Variants in PCYOX1L observed in about 807,000 individuals in gnomAD.
PCYOX1L encodes the protein prenylcysteine oxidase 1 like.
In PCYOX1L, 40 loss-of-function variants were observed where a neutral mutation model predicts 44.1. The observed-to-expected ratio is 0.91, with a 90% CI of 0.70 to 1.18. The LOEUF is 1.18. Ranked by LOEUF, PCYOX1L falls within the 50% of genes most tolerant of loss-of-function variation. PCYOX1L has a pLI of 0.00. For synonymous variants in PCYOX1L, 266 were observed against 282.8 expected, an observed-to-expected ratio of 0.94 and a Z score of 0.60; for missense variants, 605 against 653.3, an observed-to-expected ratio of 0.93 and a Z score of 0.81.
chr5:149,361,722 A>G (rs1161565966), intron 1 of PCYOX1L, among the ~76,000 whole-genome samples: 1 of 152,148 alleles, frequency 6.6e-6, no homozygotes, highest in African/African-American at 2.4e-5. Flanking sequence ...TCCGCCTCCC[A>G]GGTTCAAGCG....
In PCYOX1L at chr5:149,362,778, A is replaced by G. The variant is rs1407453927; in HGVS notation, c.230A>G (p.Tyr77Cys). 1.1e-5 allele frequency: 17 copies of G among 1,614,044 alleles called. No individual in the cohort carries two copies. The highest frequency in any genetic ancestry group is 2.2e-5 in the East Asian group (1 of 44,894). The change falls in exon 2 of 6, where the codon TAT (tyrosine) becomes TGT (cysteine). Residue 77 changes from tyrosine (Y) to cysteine (C), a missense_variant. Coordinates refer to ENST00000274569, the MANE Select transcript of PCYOX1L (RefSeq NM_024028.4). ...ACCATCTCAGTCAACAAGCAGCACT[A>G]TGAGAGCGGGGCTGCCTCCTTCCAC... ...LATISVNKQH[Y>C]ESGAASFHSL...
chr5:149,359,193 G>A (rs1353330883), intron 1 of PCYOX1L, among the ~76,000 whole-genome samples: 2 of 152,110 alleles, frequency 1.3e-5, no homozygotes, highest in African/African-American at 2.4e-5. Context: ...ACTCTATTCC[G>A]CTAGGCCACT....
At chr5:149,358,244 G>T in intron 1 of PCYOX1L, 88 bp downstream of exon 1, 1 of 1,284,202 alleles carries the variant, frequency 7.8e-7, no homozygotes, top group Non-Finnish European at 9.9e-7. Flanking sequence ...GTATAGGAGG[G>T]CGGCTGGGTG....
At position 149,368,163 on chromosome 5, in the gene PCYOX1L, A is replaced by G. The variant is rs139815918; in HGVS notation, c.994A>G (p.Thr332Ala). Residue 332 changes from threonine (T) to alanine (A), a missense_variant, in exon 6 of 6, where the codon ACC becomes GCC. Coordinates refer to ENST00000274569, the MANE Select transcript of PCYOX1L (RefSeq NM_024028.4). Reference sequence around the variant, plus strand: ...TGACGTGCAGGGCTCTTTCCAGCCCACCGTCGTCTCCTTGGTCCACGGCTA... The same window carrying G: ...TGACGTGCAGGGCTCTTTCCAGCCCGCCGTCGTCTCCTTGGTCCACGGCTA... ...IDDVQGSFQP[T>A]VVSLVHGYLN... 7.4e-6 allele frequency: 12 copies of G among 1,613,354 alleles called. No homozygotes were observed. The highest frequency in any genetic ancestry group is 1.0e-5 in the Non-Finnish European group (12 of 1,179,682).
intron 2 of PCYOX1L, 112 bp downstream of exon 2, chr5:149,362,955 C>G (rs751790856): frequency 4.2e-6 from 5 of 1,186,966 alleles, no homozygotes; most frequent in Middle Eastern, 1.9e-4. Context: ...GTGGCCCAAT[C>G]TCATTTTACA....
rs1468116060 is a variant in PCYOX1L, at chr5:149,368,832, C to CT, written c.*186dup. Reference sequence around the variant, plus strand: ...TTAAGGGTCCACACGGCGGCTGCTGCTTTTTTTTAAGGGGGAAAGTAAGAA... The same window carrying CT: ...TTAAGGGTCCACACGGCGGCTGCTGCTTTTTTTTTAAGGGGGAAAGTAAGAA... On this transcript the variant is annotated 3_prime_UTR_variant, in exon 6 of 6. Coordinates refer to ENST00000274569, the MANE Select transcript of PCYOX1L (RefSeq NM_024028.4). 1.1e-4 allele frequency: 49 copies of CT among 463,214 alleles called. No homozygotes were observed. Among genetic ancestry groups the CT allele is most frequent in the Middle Eastern group, 5.8e-4 (1 of 1,710 alleles). 28.7% of individuals were successfully genotyped at this position (463,214 alleles called of 1,614,324 possible). A position where few individuals can be genotyped will look rare whatever the true frequency, so the allele number is the denominator to read the frequency against.
Position 149,368,208 on chromosome 5 carries a change from G to C in PCYOX1L, c.1039G>C (p.Gly347Arg), listed in dbSNP as rs771408382. The C allele has an allele frequency of 3.1e-6, 5 of 1,613,996 alleles. No homozygotes were observed. The highest frequency in any genetic ancestry group is 4.2e-6 in the Non-Finnish European group (5 of 1,180,018). Residue 347 changes from glycine (G) to arginine (R), a missense_variant, in exon 6 of 6, where the codon GGT (glycine) becomes CGT (arginine). By Grantham distance (125) the Gly-to-Arg change is moderately radical. Transcript: ENST00000274569. ...CGGCTACCTCAACTCGTCCTACTTC[G>C]GTTTCCCAGACCCTAAGCTTTTCCC... ...VHGYLNSSYF[G>R]FPDPKLFPFA...
At chr5:149,358,386 G>T (rs771999674) in intron 1 of PCYOX1L, among the ~76,000 whole-genome samples, 1 of 152,256 alleles carries the variant, frequency 6.6e-6, no homozygotes, top group Non-Finnish European at 1.5e-5. Context: ...GCCTGGGCAG[G>T]ACTGGCCGCG....
chr5:149,361,639 T>C (rs1411973748), intron 1 of PCYOX1L, among the ~76,000 whole-genome samples: 5 of 152,162 alleles, frequency 3.3e-5, no homozygotes, highest in Admixed American at 3.3e-4. Flanking sequence ...TCCAGTCTCT[T>C]TTTTTTGAGA....
In PCYOX1L at chr5:149,364,263, G is replaced by A. The variant is rs915108680; in HGVS notation, c.470+53G>A. 6 of 1,603,248 alleles carry A rather than the reference G, an allele frequency of 3.7e-6. No homozygotes were observed. The African/African-American group carries it at 4.0e-5, about 11-fold the overall frequency. On this transcript the variant is annotated intron_variant, in intron 3 of 5. Coordinates refer to ENST00000274569, the MANE Select transcript of PCYOX1L (RefSeq NM_024028.4). ...CGTTCCAGGGGAACCGAGAAGAGGT[G>A]GGGGAGGAACCAGCTTGCCTGTACT...
intron 1 of PCYOX1L, among the ~76,000 whole-genome samples, chr5:149,358,421 G>A (rs1458260962): frequency 6.6e-6 from 1 of 152,220 alleles, no homozygotes; most frequent in Non-Finnish European, 1.5e-5. Flanking sequence ...GTCCAGGGTC[G>A]CTGAGCATCT....
chr5:149,360,182 C>T (rs1757968458), intron 1 of PCYOX1L, among the ~76,000 whole-genome samples: 1 of 152,220 alleles, frequency 6.6e-6, no homozygotes, highest in South Asian at 2.1e-4. Flanking sequence ...TCTGTCTGCC[C>T]ATTCCATGCT....
intron 1 of PCYOX1L, among the ~76,000 whole-genome samples, chr5:149,360,583 A>G (rs1757979667): frequency 6.6e-6 from 1 of 152,198 alleles, no homozygotes; most frequent in African/African-American, 2.4e-5. Flanking sequence ...ACTTGACTAC[A>G]GTACGGCTAA....
intron 3 of PCYOX1L, chr5:149,364,573 A>G (rs1167469304): frequency 5.1e-6 from 1 of 195,346 alleles, no homozygotes; most frequent in African/African-American, 2.3e-5. Context: ...CCAGCCCTCC[A>G]CCGCAGCCAT....
chr5:149,363,176 C>T (rs74577786), intron 2 of PCYOX1L: 17,137 of 438,116 alleles, frequency 0.039, 479 homozygotes, highest in East Asian at 0.078. Flanking sequence ...ATTACCTCAG[C>T]TCCCCTCTAC....
At chr5:149,359,806 G>A (rs1266635454) in intron 1 of PCYOX1L, among the ~76,000 whole-genome samples, 2 of 152,180 alleles carry the variant, frequency 1.3e-5, no homozygotes, top group African/African-American at 4.8e-5. Context: ...GCCCTCTGAC[G>A]GGAGCCTCTG....
In PCYOX1L at chr5:149,363,035, C is replaced by T. The variant is rs561244987; in HGVS notation, c.295+192C>T. The T allele has an allele frequency of 1.8e-3, 1,337 of 734,966 alleles. 3 individuals carry two copies. Among genetic ancestry groups the T allele is most frequent in the Non-Finnish European group, 2.7e-3 (1,140 of 417,798 alleles). The allele number at this position is 734,966 out of a possible 1,614,324, so 45.5% of individuals were successfully genotyped here. A position where few individuals can be genotyped will look rare whatever the true frequency, so the allele number is the denominator to read the frequency against. The stretch of plus-strand genomic sequence containing the variant: ...TTACACAGTGAGTTAGTTGCAGAGC[C>T]GGGATTAGAACTCAGGTTTGACTCC... On this transcript the variant is annotated intron_variant, in intron 2 of 5. Transcript: ENST00000274569.
In PCYOX1L at chr5:149,364,134, C is replaced by G. The variant is rs780109318; in HGVS notation, c.394C>G (p.Arg132Gly). ...TGACTGGTACCTGCTGAACCTCTTCCGCCTCTGGTGGCACTATGGCATCAG... is the reference window on the plus strand; with the variant it reads ...TGACTGGTACCTGCTGAACCTCTTCGGCCTCTGGTGGCACTATGGCATCAG... ...ETDWYLLNLFRLWWHYGISFL... is the reference protein window; with the variant it reads ...ETDWYLLNLFGLWWHYGISFL... The change falls in exon 3 of 6, where the codon CGC (arginine) becomes GGC (glycine). Residue 132 changes from arginine (R) to glycine (G), a missense_variant. By Grantham distance (125) the Arg-to-Gly change is moderately radical. Transcript: ENST00000274569. The G allele has an allele frequency of 1.2e-6, 2 of 1,614,128 alleles. No individual in the cohort carries two copies. The highest frequency in any genetic ancestry group is 8.5e-7 in the Non-Finnish European group (1 of 1,180,030).
Position 149,365,685 on chromosome 5 carries a change from T to TA in PCYOX1L, c.471-256dup, listed in dbSNP as rs372396294. 3.5e-5 allele frequency: 19 copies of TA among 546,632 alleles called. No individual in the cohort carries two copies. The African/African-American group carries it at 3.6e-4, about 10-fold the overall frequency. The allele number at this position is 546,632 out of a possible 1,614,324, so 33.9% of individuals were successfully genotyped here. ...GGCAGGGAGTGGCTCAGAGCAGTGA[T>TA]ACAGTTGTTACTCAGCACAGCCGTG... is the stretch of plus-strand genomic sequence containing the variant. On this transcript the variant is annotated intron_variant, in intron 3 of 5. Coordinates refer to ENST00000274569, the MANE Select transcript of PCYOX1L (RefSeq NM_024028.4).
Sources: allele counts gnomAD v4.1 joint callset (sites outside exome capture counted in the v4.1 genomes callset), GRCh38; gene constraint gnomAD v4.1.1; transcripts MANE v1.5; gene names NCBI Gene and HGNC (gene_info 2026-07-23, HGNC 2026-07-21).